TMEM164: variants seen among roughly 807,000 people sequenced by gnomAD.
The protein encoded by TMEM164 is transmembrane protein 164.
A neutral mutation model predicts 18.8 loss-of-function variants in TMEM164; 4 were observed. The observed-to-expected ratio is 0.21, with a 90% CI of 0.10 to 0.49. The LOEUF is 0.49. TMEM164 is among the 20% of genes least tolerant of loss of function. TMEM164 has a pLI of 0.98. For missense variants in TMEM164, 108 were observed against 239.9 expected, an observed-to-expected ratio of 0.45 and a Z score of 3.63; for synonymous variants, 86 against 101.7, an observed-to-expected ratio of 0.85 and a Z score of 0.93.
intron 2 of TMEM164, among the ~76,000 whole-genome samples, chrX:110,017,518 CCTTCCTTCCT>C (rs1933523545): frequency 2.7e-4 from 5 of 18,539 alleles, no homozygotes; most frequent in South Asian, 7.3e-3. Flanking sequence ...CTCCCTCCTT[CCTTCCTTCCT>C]TCCTTCCTTC....
intron 2 of TMEM164, among the ~76,000 whole-genome samples, chrX:110,019,291 C>A (rs1368365467): frequency 9.0e-6 from 1 of 111,077 alleles, no homozygotes; most frequent in Admixed American, 9.5e-5. Context: ...CCACCCTCTT[C>A]CTCCTTTTCA....
At chrX:110,060,266 G>GAAAAAAAAAAA (rs140796343) in intron 2 of TMEM164, among the ~76,000 whole-genome samples, 3 of 51,486 alleles carry the variant, frequency 5.8e-5, no homozygotes, top group Non-Finnish European at 1.0e-4. Context: ...GACCCTGTCT[G>GAAAAAAAAAAA]AAAAAAAAAA....
intron 3 of TMEM164, among the ~76,000 whole-genome samples, chrX:110,106,373 CTTTTTTTT>C (rs533400529): frequency 7.5e-5 from 7 of 92,930 alleles, no homozygotes; most frequent in African/African-American, 1.2e-4. Flanking sequence ...CAGAATCCAG[CTTTTTTTT>C]TTTTTTTTTT....
chrX:110,161,735 T>A (rs1602733129), intron 5 of TMEM164, among the ~76,000 whole-genome samples: 1 of 112,223 alleles, frequency 8.9e-6, no homozygotes, highest in Admixed American at 9.4e-5. Flanking sequence ...TCTAAGTCAG[T>A]GTTTCTCCTA....
At chrX:110,070,413 A>G (rs1314279087) in intron 3 of TMEM164, among the ~76,000 whole-genome samples, 1 of 112,306 alleles carries the variant, frequency 8.9e-6, no homozygotes, top group African/African-American at 3.2e-5. Context: ...CTCAAATACT[A>G]GTGGAATTCT....
intron 4 of TMEM164, among the ~76,000 whole-genome samples, chrX:110,111,409 C>A (rs2066288531): frequency 8.9e-6 from 1 of 112,461 alleles, no homozygotes; most frequent in Non-Finnish European, 1.9e-5. Flanking sequence ...AAAAGTAGAT[C>A]CAATGCTATC....
intron 4 of TMEM164, among the ~76,000 whole-genome samples, chrX:110,138,054 T>C (rs1388911222): frequency 8.9e-6 from 1 of 112,025 alleles, no homozygotes; most frequent in Non-Finnish European, 1.9e-5. Flanking sequence ...GGTGATACCA[T>C]CTCTTCTTGC....
intron 2 of TMEM164, among the ~76,000 whole-genome samples, chrX:110,040,634 A>G (rs1311805442): frequency 8.9e-6 from 1 of 111,949 alleles, no homozygotes; most frequent in Non-Finnish European, 1.9e-5. Flanking sequence ...CTGTATTTTA[A>G]TGGAGGCAAA....
At chrX:110,152,406 C>T (rs912071809) in intron 5 of TMEM164, among the ~76,000 whole-genome samples, 9 of 111,125 alleles carry the variant, frequency 8.1e-5, no homozygotes, top group Non-Finnish European at 1.5e-4. Context: ...AATTTAGAGT[C>T]ATGGTTAGAA....
intron 2 of TMEM164, among the ~76,000 whole-genome samples, chrX:110,022,179 G>T (rs1402363256): frequency 9.0e-6 from 1 of 110,629 alleles, no homozygotes; most frequent in African/African-American, 3.4e-5. Flanking sequence ...TGTGTTCTGA[G>T]CCTAAACTGA....
chrX:110,108,633 G>C (rs2066247549), intron 3 of TMEM164, among the ~76,000 whole-genome samples: 1 of 112,012 alleles, frequency 8.9e-6, no homozygotes, highest in East Asian at 2.8e-4. Flanking sequence ...TTAGGTCTCT[G>C]TTTGGGGAAA....
At chrX:110,046,626 C>A in intron 2 of TMEM164, 2 of 380,128 alleles carry the variant, frequency 5.3e-6, no homozygotes, top group Non-Finnish European at 6.7e-6. Flanking sequence ...AACAGCAATG[C>A]CATTTGCTTG....
chrX:110,038,004 T>C (rs899051531), intron 2 of TMEM164, among the ~76,000 whole-genome samples: 1 of 98,466 alleles, frequency 1.0e-5, no homozygotes, highest in Non-Finnish European at 2.1e-5. Context: ...TTTTTTTTTT[T>C]TTTTGAGACG....
At chrX:110,112,868 T>C (rs1339979795) in intron 4 of TMEM164, among the ~76,000 whole-genome samples, 2 of 111,595 alleles carry the variant, frequency 1.8e-5, no homozygotes, top group African/African-American at 6.5e-5. Context: ...CCTAATCACC[T>C]CTTTGAAGGC....
intron 5 of TMEM164, among the ~76,000 whole-genome samples, chrX:110,158,161 A>G (rs916451314): frequency 1.8e-5 from 2 of 111,971 alleles, no homozygotes; most frequent in African/African-American, 6.5e-5. Context: ...TGCTGGGATT[A>G]CAGGTGAGAG....
At chrX:110,064,315 A>C (rs1282794494) in intron 2 of TMEM164, among the ~76,000 whole-genome samples, 1 of 111,929 alleles carries the variant, frequency 8.9e-6, no homozygotes, top group Non-Finnish European at 1.9e-5. Flanking sequence ...GTGATAGTTT[A>C]GCTTTTCACC....
intron 3 of TMEM164, among the ~76,000 whole-genome samples, chrX:110,072,828 C>CTT (rs1338638211): frequency 9.9e-6 from 1 of 101,254 alleles, no homozygotes; most frequent in Admixed American, 1.1e-4. Context: ...TATTTTTTGT[C>CTT]TTTTTTTTTT....
At chrX:110,120,885 C>A (rs1157436860) in intron 4 of TMEM164, among the ~76,000 whole-genome samples, 1 of 111,976 alleles carries the variant, frequency 8.9e-6, no homozygotes, top group Non-Finnish European at 1.9e-5. Flanking sequence ...GCACTCCAGG[C>A]AATTCCAATG....
chrX:110,155,935 T>TA (rs958500905), intron 5 of TMEM164, among the ~76,000 whole-genome samples: 3 of 111,661 alleles, frequency 2.7e-5, no homozygotes, highest in Non-Finnish European at 5.6e-5. Flanking sequence ...GATGGGGTCT[T>TA]ACTATGTTGT....
Sources: gnomAD v4.1 joint callset for allele counts (sites outside exome capture counted in the v4.1 genomes callset) on GRCh38, gnomAD v4.1.1 for gene constraint, MANE v1.5 for transcripts, NCBI Gene and HGNC (gene_info 2026-07-23, HGNC 2026-07-21) for gene names.